Variants in PTH2R observed in about 807,000 individuals in gnomAD.
The protein encoded by PTH2R is PTH2 receptor.
A neutral mutation model predicts 60.3 loss-of-function variants in PTH2R; 59 were observed. The observed-to-expected ratio is 0.98, with a 90% confidence interval of 0.79 to 1.22. PTH2R has a LOEUF of 1.22. Among genes scored for constraint, PTH2R ranks in the 50% most tolerant of loss-of-function variants. The pLI, the probability that PTH2R is intolerant of heterozygous loss-of-function variation, is 0.00. For synonymous variants in PTH2R, 256 were observed against 243.8 expected, an observed-to-expected ratio of 1.05 and a Z score of -0.47; for missense variants, 749 against 682.6, an observed-to-expected ratio of 1.10 and a Z score of -1.08.
At chr2:208,401,995 C>T (rs1376665728), upstream of PTH2R, among the ~76,000 whole-genome samples, 2 of 152,326 alleles carry the variant, frequency 1.3e-5, no homozygotes, top group Admixed American at 6.5e-5. Context: ...TTTTGTATCA[C>T]AGCCATTTGG....
intron 1 of PTH2R, among the ~76,000 whole-genome samples, chr2:208,371,089 G>A (rs191954065): frequency 3.3e-5 from 5 of 152,084 alleles, no homozygotes; most frequent in African/African-American, 9.7e-5. Context: ...CATTCATGAG[G>A]GATCTGCCTC....
At chr2:208,447,348 G>A (rs1482677555) in intron 7 of PTH2R, among the ~76,000 whole-genome samples, 1 of 151,906 alleles carries the variant, frequency 6.6e-6, no homozygotes, top group Non-Finnish European at 1.5e-5. Flanking sequence ...CAGGACTTTG[G>A]GAGGCCGAGG....
intron 10 of PTH2R, among the ~76,000 whole-genome samples, chr2:208,483,855 G>A (rs370108710): frequency 1.3e-5 from 2 of 152,232 alleles, no homozygotes; most frequent in Middle Eastern, 3.4e-3. Context: ...AGAAAAATGT[G>A]GGAACCTACT....
rs891803994 is a variant in PTH2R at position 208,423,301 on chromosome 2, G to A, written c.76-4900G>A. Among the ~76,000 whole-genome samples the A allele has an allele frequency of 2.6e-5, 4 of 151,960 alleles. 1 individual carries two copies. Among genetic ancestry groups the A allele is most frequent in the Non-Finnish European group, 5.9e-5 (4 of 67,974 alleles). On this transcript the variant is annotated intron_variant, in intron 1 of 12. Coordinates refer to ENST00000272847, the MANE Select transcript of PTH2R (RefSeq NM_005048.4). Reference sequence around the variant, plus strand: ...ATATGTTGTTTTGTATTTTCATTCAGTTCAATGTACTTTTGATTTCCCTTG... The same window carrying A: ...ATATGTTGTTTTGTATTTTCATTCAATTCAATGTACTTTTGATTTCCCTTG...
intron 1 of PTH2R, among the ~76,000 whole-genome samples, chr2:208,388,324 AAAAC>A (rs1701045862): frequency 6.6e-6 from 1 of 152,092 alleles, no homozygotes; most frequent in Non-Finnish European, 1.5e-5. Context: ...CTCAAAAACA[AAAAC>A]AAACAAAAAA....
chr2:208,444,888 G>T lies in PTH2R; in HGVS notation c.853+1G>T, dbSNP rs766171857. The T allele has an allele frequency of 6.2e-7, 1 of 1,611,722 alleles. No individual in the cohort carries two copies. Among genetic ancestry groups the T allele is most frequent in the South Asian group, 1.1e-5 (1 of 90,720 alleles). On this transcript the variant is annotated splice_donor_variant, in intron 7 of 12. Coordinates refer to ENST00000272847, the MANE Select transcript of PTH2R (RefSeq NM_005048.4). LOFTEE classifies it high-confidence loss of function. ...TGGGGCTTCATCTTGATAGGCTGGG[G>T]TAAGACATTTATATCTCTGTTCCTT...
chr2:208,471,631 G>C (rs555249954), intron 9 of PTH2R, among the ~76,000 whole-genome samples: 1 of 152,364 alleles, frequency 6.6e-6, no homozygotes, highest in South Asian at 2.1e-4. Context: ...TTGCTGCAAG[G>C]GCAAGGCCCT....
chr2:208,446,799 C>T (rs1250092047), intron 7 of PTH2R, among the ~76,000 whole-genome samples: 2 of 152,168 alleles, frequency 1.3e-5, no homozygotes, highest in Admixed American at 6.5e-5. Context: ...CACTGAGAGA[C>T]TGATTTAAAA....
At chr2:208,477,402 A>G (rs1372612921) in intron 9 of PTH2R, among the ~76,000 whole-genome samples, 3 of 152,194 alleles carry the variant, frequency 2.0e-5, no homozygotes, top group Non-Finnish European at 2.9e-5. Flanking sequence ...CGGCACTTCC[A>G]TGGCTGAAAT....
At chr2:208,491,125 C>T (rs1222732271) in intron 12 of PTH2R, among the ~76,000 whole-genome samples, 2 of 152,174 alleles carry the variant, frequency 1.3e-5, no homozygotes, top group African/African-American at 4.8e-5. Context: ...GAAGTAACTA[C>T]ACTAGATAAT....
At chr2:208,446,842 A>G (rs762536913) in intron 7 of PTH2R, among the ~76,000 whole-genome samples, 2 of 152,216 alleles carry the variant, frequency 1.3e-5, no homozygotes, top group Non-Finnish European at 2.9e-5. Flanking sequence ...ATTTTTCTAA[A>G]TTCATTTTCT....
At position 208,483,380 on chromosome 2, in the gene PTH2R, G is replaced by T. The variant is rs116248359; in HGVS notation, c.1076+2216G>T. On this transcript the variant is annotated intron_variant, in intron 10 of 12. Transcript: ENST00000272847. ...TTTCACTCTTCTTCATAAAGTGGAA[G>T]AGTGTAGTGGTGTTTAGAAGCTACT... Among the ~76,000 whole-genome samples, 176 of 152,302 alleles carry T rather than the reference G, an allele frequency of 1.2e-3. 1 individual carries two copies. Among genetic ancestry groups the T allele is most frequent in the African/African-American group, 4.0e-3 (168 of 41,562 alleles).
At chr2:208,407,804 G>C (rs150936844) in intron 1 of PTH2R, among the ~76,000 whole-genome samples, 24 of 152,238 alleles carry the variant, frequency 1.6e-4, no homozygotes, top group African/African-American at 5.8e-4. Flanking sequence ...TTTCAGATGA[G>C]CTAGAGAGAT....
intron 8 of PTH2R, among the ~76,000 whole-genome samples, chr2:208,454,889 GA>G (rs917624300): frequency 1.3e-5 from 2 of 150,636 alleles, no homozygotes; most frequent in South Asian, 2.1e-4. Context: ...GCTATGCACT[GA>G]AAAAAAAATC....
chr2:208,372,408 G>A (rs1020096879), intron 1 of PTH2R, among the ~76,000 whole-genome samples: 5 of 152,030 alleles, frequency 3.3e-5, no homozygotes, highest in Non-Finnish European at 5.9e-5. Flanking sequence ...ACTATTCTAG[G>A]TCATGGAAGT....
chr2:208,367,186 T>C (rs538355455), intron 1 of PTH2R, among the ~76,000 whole-genome samples: 5 of 152,070 alleles, frequency 3.3e-5, no homozygotes, highest in African/African-American at 1.2e-4. Context: ...CTCTGCCTCC[T>C]GGGTTCAAGC....
intron 1 of PTH2R, among the ~76,000 whole-genome samples, chr2:208,413,278 T>C (rs914654274): frequency 2.6e-5 from 4 of 152,208 alleles, no homozygotes; most frequent in Non-Finnish European, 4.4e-5. Context: ...CCTCCTTTCA[T>C]CTTGGAGTGT....
chr2:208,390,529 G>A (rs1013634910), intron 1 of PTH2R, among the ~76,000 whole-genome samples: 1 of 152,186 alleles, frequency 6.6e-6, no homozygotes, highest in Non-Finnish European at 1.5e-5. Context: ...GGATATTGTA[G>A]GAGCTAAAGG....
At chr2:208,436,396 A>T (rs1345381626) in intron 2 of PTH2R, among the ~76,000 whole-genome samples, 3 of 152,134 alleles carry the variant, frequency 2.0e-5, no homozygotes, top group African/African-American at 7.2e-5. Flanking sequence ...ATTTGGGGCT[A>T]TTGTGTCAAA....
Sources: allele counts gnomAD v4.1 joint callset (sites outside exome capture counted in the v4.1 genomes callset), GRCh38; gene constraint gnomAD v4.1.1; transcripts MANE v1.5; gene names NCBI Gene and HGNC (gene_info 2026-07-23, HGNC 2026-07-21).